Variants in SUFU observed in about 807,000 individuals in gnomAD.
SUFU encodes SUFU negative regulator of hedgehog signaling.
In SUFU, 7 loss-of-function variants were observed where a neutral mutation model predicts 58.9. The ratio of observed to expected loss-of-function variants is 0.12; its 90% CI spans 0.07 to 0.22. The LOEUF is 0.22. Ranked by LOEUF, SUFU falls within the 10% of genes least tolerant of loss-of-function variation. The probability of loss-of-function intolerance (pLI) is 1.00; values close to 1 mark genes in which losing one functional copy is unlikely to be tolerated. For missense variants in SUFU, 451 were observed against 641.3 expected (o/e 0.70, Z 3.20); for synonymous variants, 232 against 254.8 (o/e 0.91, Z 0.85).
chr10:102,622,330 G>C (rs765353260), intron 10 of SUFU, among the ~76,000 whole-genome samples: 1 of 152,206 alleles, frequency 6.6e-6, no homozygotes, highest in Non-Finnish European at 1.5e-5. Context: ...TGCTGGCCAG[G>C]TGCGGTGGCT....
chr10:102,551,849 C>T (rs1027237616), intron 3 of SUFU, among the ~76,000 whole-genome samples: 2 of 149,044 alleles, frequency 1.3e-5, no homozygotes, highest in Admixed American at 6.7e-5. Context: ...TTGAGCCTCC[C>T]GAGTAGCTGC....
intron 3 of SUFU, among the ~76,000 whole-genome samples, chr10:102,590,291 G>A (rs1007299729): frequency 1.5e-4 from 22 of 150,680 alleles, no homozygotes; most frequent in Admixed American, 2.7e-4. Flanking sequence ...TCAGCCTCCC[G>A]AGTAGCTGGG....
intron 10 of SUFU, among the ~76,000 whole-genome samples, chr10:102,620,832 G>A (rs995955826): frequency 2.0e-5 from 3 of 152,148 alleles, no homozygotes; most frequent in Admixed American, 6.5e-5. Flanking sequence ...TTGTTCATCC[G>A]TCCCCAGCCA....
chr10:102,568,525 A>G (rs1415518954), intron 3 of SUFU, among the ~76,000 whole-genome samples: 1 of 152,154 alleles, frequency 6.6e-6, no homozygotes, highest in Non-Finnish European at 1.5e-5. Context: ...AGTACTGTAT[A>G]TATTAACATG....
rs373445321 is a variant in SUFU at position 102,615,248 on chromosome 10, T to C, written c.1023-20T>C. The C allele has an allele frequency of 8.1e-6, 13 of 1,614,048 alleles. No individual in the cohort carries two copies. The African/African-American group carries it at 1.5e-4, about 18-fold the overall frequency. On this transcript the variant is annotated intron_variant, in intron 8 of 11. Transcript: ENST00000369902. Reference sequence around the variant, plus strand: ...AGCTTTTCACCTTGTGCCGAACCTTTTCCTGTGCTTGCTTCACAGGAGCCG... The same window carrying C: ...AGCTTTTCACCTTGTGCCGAACCTTCTCCTGTGCTTGCTTCACAGGAGCCG...
chr10:102,559,674 A>C (rs1250297620), intron 3 of SUFU, among the ~76,000 whole-genome samples: 1 of 152,074 alleles, frequency 6.6e-6, no homozygotes, highest in Non-Finnish European at 1.5e-5. Flanking sequence ...TCAGATTGCC[A>C]GTTACTCTTC....
At chr10:102,612,894 G>A (rs941822840) in intron 8 of SUFU, among the ~76,000 whole-genome samples, 1 of 152,216 alleles carries the variant, frequency 6.6e-6, no homozygotes, top group Non-Finnish European at 1.5e-5. Context: ...AGGAATCAGC[G>A]AGTGAACCTA....
chr10:102,532,402 A>G (rs539983536), intron 2 of SUFU, among the ~76,000 whole-genome samples: 4 of 152,252 alleles, frequency 2.6e-5, no homozygotes, highest in Middle Eastern at 3.4e-3. Flanking sequence ...TACAACACAC[A>G]TTTGTTCTCT....
upstream of SUFU, chr10:102,503,943 C>T (rs2062282664): frequency 1.6e-6 from 1 of 615,610 alleles, no homozygotes; most frequent in Non-Finnish European, 2.6e-6. Context: ...CCCCCCTTAG[C>T]GCCCCGCCGC....
intron 3 of SUFU, among the ~76,000 whole-genome samples, chr10:102,590,153 CTTTTTTCTTTT>C (rs1419370030): frequency 4.1e-5 from 3 of 73,840 alleles, no homozygotes; most frequent in African/African-American, 5.5e-5. Flanking sequence ...TTTTTTTTTT[CTTTTTTCTTTT>C]TTTTTTTTTT....
chr10:102,618,948 G>GTGTGTT (rs2063715489), intron 10 of SUFU: 3 of 708,864 alleles, frequency 4.2e-6, no homozygotes, highest in East Asian at 2.7e-5. Flanking sequence ...GTGTGTGTGT[G>GTGTGTT]TGTGTGTGTG....
At chr10:102,545,192 T>C (rs2062841741) in intron 2 of SUFU, among the ~76,000 whole-genome samples, 1 of 152,002 alleles carries the variant, frequency 6.6e-6, no homozygotes, top group Admixed American at 6.6e-5. Context: ...CACTGCTGCC[T>C]TGACCTCCCT....
intron 3 of SUFU, 81 bp downstream of exon 3, chr10:102,550,187 A>G: frequency 6.3e-7 from 1 of 1,593,414 alleles, no homozygotes; most frequent in Non-Finnish European, 8.5e-7. Context: ...CTATATTTTG[A>G]TGTTTGTGGA....
intron 3 of SUFU, among the ~76,000 whole-genome samples, chr10:102,579,306 A>ACAGT (rs1450815590): frequency 6.6e-6 from 1 of 152,188 alleles, no homozygotes; most frequent in African/African-American, 2.4e-5. Context: ...TGTCAGGTCC[A>ACAGT]CAGTCTATCT....
At chr10:102,513,340 C>G (rs555024682) in intron 2 of SUFU, among the ~76,000 whole-genome samples, 1 of 152,314 alleles carries the variant, frequency 6.6e-6, no homozygotes, top group East Asian at 1.9e-4. Context: ...AAATGGATCT[C>G]TGGCAACAAT....
chr10:102,503,876 TG>T, upstream of SUFU: 1 of 424,520 alleles, frequency 2.4e-6, no homozygotes, highest in Non-Finnish European at 4.2e-6. Flanking sequence ...CTTCCCTGCC[TG>T]TGACTGGCAC....
At chr10:102,515,790 A>C in intron 2 of SUFU, among the ~76,000 whole-genome samples, 1 of 152,174 alleles carries the variant, frequency 6.6e-6, no homozygotes, top group South Asian at 2.1e-4. Flanking sequence ...GGCTAAGTTT[A>C]GCAGGCTAAA....
At chr10:102,583,526 G>A (rs897723188) in intron 3 of SUFU, among the ~76,000 whole-genome samples, 1 of 152,100 alleles carries the variant, frequency 6.6e-6, no homozygotes, top group Non-Finnish European at 1.5e-5. Context: ...TATTAAGCCT[G>A]CACAAAGTGC....
At chr10:102,524,803 A>G (rs1589990970) in intron 2 of SUFU, among the ~76,000 whole-genome samples, 1 of 152,316 alleles carries the variant, frequency 6.6e-6, no homozygotes, top group East Asian at 1.9e-4. Context: ...TGCTTTATCC[A>G]TTAATGTTTC....
Sources: gnomAD v4.1 joint callset for allele counts (sites outside exome capture counted in the v4.1 genomes callset) on GRCh38, gnomAD v4.1.1 for gene constraint, MANE v1.5 for transcripts, NCBI Gene and HGNC (gene_info 2026-07-23, HGNC 2026-07-21) for gene names.